Variants in CIT observed in about 807,000 individuals in gnomAD.
The protein encoded by CIT is citron rho-interacting serine/threonine kinase, also known as citron Rho-interacting kinase.
Under a neutral mutation model 272.7 loss-of-function variants are expected in CIT, and 79 were observed. That is an observed-to-expected ratio of 0.29 (90% confidence interval 0.24 to 0.35). The LOEUF (loss-of-function observed/expected upper bound fraction) is 0.35, where lower values mean the gene tolerates loss of function less well. Among genes scored for constraint, CIT ranks in the 10% least tolerant of loss-of-function variants. The pLI, the probability that CIT is intolerant of heterozygous loss-of-function variation, is 1.00. For missense variants in CIT, 1,909 were observed against 2,618.3 expected, an observed-to-expected ratio of 0.73 and a Z score of 5.91; for synonymous variants, 948 against 995.6, an observed-to-expected ratio of 0.95 and a Z score of 0.90.
At chr12:119,830,385 A>G (rs559251858) in intron 7 of CIT, among the ~76,000 whole-genome samples, 1 of 151,954 alleles carries the variant, frequency 6.6e-6, no homozygotes, top group Non-Finnish European at 1.5e-5. Context: ...TAAAAAATTG[A>G]AACTGGGAAC....
Position 119,697,830 on chromosome 12 carries a change from G to A in CIT, c.5711C>T (p.Ala1904Val). The A allele has an allele frequency of 6.2e-7, 1 of 1,614,066 alleles. No individual in the cohort carries two copies. The highest frequency in any genetic ancestry group is 8.5e-7 in the Non-Finnish European group (1 of 1,179,986). ...GTTCGGGATGTCCAGGTACGCTCGGGCAGGGGTCCTGCAGAGTCCCAGAGT... is the reference window on the plus strand; with the variant it reads ...GTTCGGGATGTCCAGGTACGCTCGGACAGGGGTCCTGCAGAGTCCCAGAGT... ...IQARSSAGTP[A>V]RAYLDIPNPR... The change falls in exon 46 of 48, where the codon GCC becomes GTC. Residue 1904 changes from alanine (A) to valine (V), a missense_variant. Physicochemically the swap from Ala to Val is moderately conservative, Grantham distance 64. Coordinates refer to ENST00000392521, the MANE Select transcript of CIT (RefSeq NM_001206999.2). This position sits in a 1 kb window ranked among gnomAD's most constrained non-coding sequence, Gnocchi z 4.9.
intron 9 of CIT, among the ~76,000 whole-genome samples, chr12:119,808,431 C>A (rs547418349): frequency 6.6e-6 from 1 of 152,056 alleles, no homozygotes; most frequent in African/African-American, 2.4e-5. Context: ...ATTATTTAGA[C>A]CTAATGTGCC....
Position 119,803,212 on chromosome 12 carries a change from C to G in CIT, c.1289G>C (p.Arg430Thr). 7.0e-7 allele frequency: 1 copy of G among 1,437,236 alleles called. No homozygotes were observed. Among genetic ancestry groups the G allele is most frequent in the Non-Finnish European group, 9.2e-7 (1 of 1,082,812 alleles). The allele number at this position is 1,437,236 out of a possible 1,614,324, so 89.0% of individuals were successfully genotyped here. ...SYSKALGILGRSESVVSGLDS... is the reference protein window; with the variant it reads ...SYSKALGILGTSESVVSGLDS... ...AAGTCAAATTTTCACTTACTCAGAT[C>G]TACCAAGAATCCCCAGTGCCTTGCT... The change falls in exon 10 of 48, where the codon AGA becomes ACA. Residue 430 changes from arginine to threonine, a missense_variant. Coordinates refer to ENST00000392521, the MANE Select transcript of CIT (RefSeq NM_001206999.2).
chr12:119,788,589 G>A (rs1593749854), intron 10 of CIT, among the ~76,000 whole-genome samples: 1 of 152,270 alleles, frequency 6.6e-6, no homozygotes, highest in East Asian at 1.9e-4. Context: ...ATGACACATA[G>A]AAGGCTGGCC....
At chr12:119,735,114 T>C in intron 25 of CIT, 46 bp downstream of exon 25, 1 of 1,597,584 alleles carries the variant, frequency 6.3e-7, no homozygotes, top group Non-Finnish European at 8.6e-7. Context: ...CTAAAATCCT[T>C]CTAAAAGTCC....
chr12:119,854,180 C>T (rs1267101242), intron 4 of CIT, among the ~76,000 whole-genome samples: 1 of 152,032 alleles, frequency 6.6e-6, no homozygotes. Context: ...GCATGCACCA[C>T]CACACCCGGC....
rs1181689074 is a variant in CIT at position 119,710,599 on chromosome 12, G to A, written c.4876C>T (p.Leu1626=). 6.2e-7 allele frequency: 1 copy of A among 1,614,174 alleles called. No homozygotes were observed. The highest frequency in any genetic ancestry group is 1.7e-5 in the Admixed American group (1 of 60,028). ...ADAKLLGNSL[L]KLEGDDRLDM... Reference sequence around the variant, plus strand: ...AGACGGTCATCACCTTCCAGTTTCAGCAGGGAGTTTCCAAGCAGTTTCTTT... The same window carrying A: ...AGACGGTCATCACCTTCCAGTTTCAACAGGGAGTTTCCAAGCAGTTTCTTT... Residue 1626 remains leucine (L), a synonymous_variant, in exon 38 of 48, where the codon CTG becomes TTG. Coordinates refer to ENST00000392521, the MANE Select transcript of CIT (RefSeq NM_001206999.2). The surrounding 1 kb of genome is among the most constrained non-coding windows in gnomAD (Gnocchi z 5.6).
rs1386913724 is a variant in CIT, at chr12:119,710,423, C to T, written c.4936-37G>A. 19 of 1,613,538 alleles carry T rather than the reference C, an allele frequency of 1.2e-5. No individual in the cohort carries two copies. The highest frequency in any genetic ancestry group is 1.1e-4 in the East Asian group (5 of 44,886). The stretch of plus-strand genomic sequence containing the variant: ...GAAGTCCGAAGGCAGAACATAAGCA[C>T]GGTCACGTCACCAGAACAATCTCTA... On this transcript the variant is annotated intron_variant, in intron 38 of 47. Coordinates refer to ENST00000392521, the MANE Select transcript of CIT (RefSeq NM_001206999.2). This position sits in a 1 kb window ranked among gnomAD's most constrained non-coding sequence, Gnocchi z 5.6.
At chr12:119,848,979 C>G (rs1158240025) in intron 5 of CIT, among the ~76,000 whole-genome samples, 1 of 152,154 alleles carries the variant, frequency 6.6e-6, no homozygotes, top group Non-Finnish European at 1.5e-5. Context: ...CACTGAACTC[C>G]AGCCTGGGTG....
rs189763770 is a variant in CIT at position 119,735,247 on chromosome 12, G to A, written c.3069C>T (p.Asn1023=). The change falls in exon 25 of 48, where the codon AAC becomes AAT. Residue 1023 remains asparagine, a synonymous_variant. Transcript: ENST00000392521. ...SKQLDEASGA[N]DEIVQLRSEV... is the part of the protein sequence containing the mutation. ...CACTTCGCAGTTGTACAATCTCGTC[G>A]TTGGCGCCAGAAGCCTCATCGAGTT... 2.4e-5 allele frequency: 38 copies of A among 1,614,156 alleles called. No homozygotes were observed. Among genetic ancestry groups the A allele is most frequent in the Middle Eastern group, 1.6e-4 (1 of 6,062 alleles).
At chr12:119,792,996 T>G (rs1965448048) in intron 10 of CIT, among the ~76,000 whole-genome samples, 1 of 152,020 alleles carries the variant, frequency 6.6e-6, no homozygotes, top group Non-Finnish European at 1.5e-5. Flanking sequence ...ATAACAATGG[T>G]GCCCATCAGG....
rs940340563 is a variant in CIT at position 119,694,646 on chromosome 12, A to G, written c.5882+3013T>C. ...TGGTAAAACCCTGTCTCTACAAAAAATACAAAAATTAGCCAGGTGTGGTGG... is the reference window on the plus strand; with the variant it reads ...TGGTAAAACCCTGTCTCTACAAAAAGTACAAAAATTAGCCAGGTGTGGTGG... On this transcript the variant is annotated intron_variant, in intron 46 of 47. Transcript: ENST00000392521. The surrounding 1 kb of genome is among the most constrained non-coding windows in gnomAD (Gnocchi z 4.5). Among the ~76,000 whole-genome samples the G allele has an allele frequency of 2.0e-5, 3 of 151,984 alleles. No homozygotes were observed. The highest frequency in any genetic ancestry group is 7.3e-5 in the African/African-American group (3 of 41,360).
intron 28 of CIT, among the ~76,000 whole-genome samples, chr12:119,727,755 C>G (rs567969722): frequency 7.0e-6 from 1 of 142,972 alleles, no homozygotes; most frequent in Non-Finnish European, 1.6e-5. Context: ...ATGGGGAAAC[C>G]CCATCTCTAC....
chr12:119,857,682 A>G lies in CIT; in HGVS notation c.255T>C (p.Ala85=). The G allele has an allele frequency of 1.2e-6, 2 of 1,614,086 alleles. No homozygotes were observed. The highest frequency in any genetic ancestry group is 2.2e-5 in the South Asian group (2 of 91,050). Residue 85 remains alanine (A), a synonymous_variant, in exon 4 of 48, where the codon GCT becomes GCC. Coordinates refer to ENST00000392521, the MANE Select transcript of CIT (RefSeq NM_001206999.2). ...CCGAAGGCTGGAGCTCCTGTAACTC[A>G]GCTATGGTGTCGGAATCTGCAAAAG... ...NFVRKYSDTI[A]ELQELQPSAK... is the part of the protein sequence containing the mutation.
Position 119,713,072 on chromosome 12 carries a change from T to C in CIT, c.4579+131A>G. On this transcript the variant is annotated intron_variant, in intron 35 of 47. Transcript: ENST00000392521. This position sits in a 1 kb window ranked among gnomAD's most constrained non-coding sequence, Gnocchi z 5.2. ...AATAACCTTTAGAGAAGTCATTTGG[T>C]TTGTAAGTTTCAAAAATGGAAAAGC... 1.4e-6 allele frequency: 1 copy of C among 722,162 alleles called. No homozygotes were observed. The highest frequency in any genetic ancestry group is 2.4e-6 in the Non-Finnish European group (1 of 414,212). 44.7% of individuals were successfully genotyped at this position (722,162 alleles called of 1,614,324 possible). A position where few individuals can be genotyped will look rare whatever the true frequency, so the allele number is the denominator to read the frequency against.
chr12:119,755,222 C>A (rs1234300866), intron 22 of CIT, among the ~76,000 whole-genome samples: 1 of 152,006 alleles, frequency 6.6e-6, no homozygotes, highest in Non-Finnish European at 1.5e-5. Context: ...TCAAGACCAG[C>A]CTGGGCAACA....
intron 10 of CIT, among the ~76,000 whole-genome samples, chr12:119,790,304 T>C (rs1354797185): frequency 1.3e-5 from 2 of 152,156 alleles, no homozygotes; most frequent in African/African-American, 4.8e-5. Context: ...TACCACTTCA[T>C]CAAGCATAGT....
In CIT at chr12:119,791,415, C is replaced by T. The variant is rs552219070; in HGVS notation, c.1296-6350G>A. ...GTTCACAGCCACCCCAGGGAAAGCTCACCCCACAAGAGCAACTCTCCCTCC... is the reference window on the plus strand; with the variant it reads ...GTTCACAGCCACCCCAGGGAAAGCTTACCCCACAAGAGCAACTCTCCCTCC... On this transcript the variant is annotated intron_variant, in intron 10 of 47. Transcript: ENST00000392521. Among the ~76,000 whole-genome samples, 5 of 152,322 alleles carry T rather than the reference C, an allele frequency of 3.3e-5. No homozygotes were observed. In the South Asian group the frequency reaches 1.0e-3, roughly 32 times the overall value.
At position 119,728,644 on chromosome 12, in the gene CIT, G is replaced by C. The variant is rs770385017; in HGVS notation, c.3487-38C>G. ...AAAGATTGGCATAATGCCACACTTAGGAATGTTAGATGCTGACAACGTTTA... is the reference window on the plus strand; with the variant it reads ...AAAGATTGGCATAATGCCACACTTACGAATGTTAGATGCTGACAACGTTTA... On this transcript the variant is annotated intron_variant, in intron 27 of 47. Coordinates refer to ENST00000392521, the MANE Select transcript of CIT (RefSeq NM_001206999.2). This position sits in a 1 kb window ranked among gnomAD's most constrained non-coding sequence, Gnocchi z 4.3. 2 of 1,361,896 alleles carry C rather than the reference G, an allele frequency of 1.5e-6. No individual in the cohort carries two copies. The highest frequency in any genetic ancestry group is 1.4e-5 in the African/African-American group (1 of 69,284). The allele number at this position is 1,361,896 out of a possible 1,614,324, so 84.4% of individuals were successfully genotyped here.
Sources: gnomAD v4.1 joint callset for allele counts (sites outside exome capture counted in the v4.1 genomes callset) on GRCh38, gnomAD v4.1.1 for gene constraint, Gnocchi (gnomAD v3.1) non-coding constraint, MANE v1.5 for transcripts, NCBI Gene and HGNC (gene_info 2026-07-23, HGNC 2026-07-21) for gene names.